Variants in SLC1A2 observed in about 807,000 individuals in gnomAD.
SLC1A2 encodes excitatory amino acid transporter 2.
In SLC1A2, 15 loss-of-function variants were observed where a neutral mutation model predicts 48.8. That is an observed-to-expected ratio of 0.31 (90% CI 0.21 to 0.47). The LOEUF is 0.47. SLC1A2 is among the 20% of genes least tolerant of loss of function. SLC1A2 has a pLI of 0.99. For missense variants in SLC1A2, 502 were observed against 730.5 expected, an observed-to-expected ratio of 0.69 and a Z score of 3.61; for synonymous variants, 279 against 272.6, an observed-to-expected ratio of 1.02 and a Z score of -0.23.
intron 1 of SLC1A2, among the ~76,000 whole-genome samples, chr11:35,372,048 C>T (rs1002979641): frequency 6.6e-6 from 1 of 152,192 alleles, no homozygotes; most frequent in Non-Finnish European, 1.5e-5. Flanking sequence ...AGTCATGGTG[C>T]CTTCACCACT....
intron 1 of SLC1A2, among the ~76,000 whole-genome samples, chr11:35,393,457 C>T (rs1854845738): frequency 6.6e-6 from 1 of 152,166 alleles, no homozygotes; most frequent in Admixed American, 6.5e-5. Flanking sequence ...GGAGGCTCTT[C>T]CCCGGTCATT....
At chr11:35,412,247 G>T (rs563283611) in intron 1 of SLC1A2, among the ~76,000 whole-genome samples, 1 of 152,228 alleles carries the variant, frequency 6.6e-6, no homozygotes, top group East Asian at 1.9e-4. Context: ...ATATTCCCTA[G>T]GGGATTTTCA....
chr11:35,347,836 G>A (rs919705241), intron 1 of SLC1A2, among the ~76,000 whole-genome samples: 3 of 152,192 alleles, frequency 2.0e-5, no homozygotes, highest in African/African-American at 7.2e-5. Flanking sequence ...GCCTCCAAAA[G>A]AGCTGAGTTT....
chr11:35,318,961 A>G (rs1274226986), intron 1 of SLC1A2, among the ~76,000 whole-genome samples: 2 of 152,188 alleles, frequency 1.3e-5, no homozygotes, highest in African/African-American at 2.4e-5. Flanking sequence ...TTGCTACCCA[A>G]ATGTTTTAAA....
At chr11:35,300,973 C>G (rs1231609446) in intron 6 of SLC1A2, among the ~76,000 whole-genome samples, 1 of 152,140 alleles carries the variant, frequency 6.6e-6, no homozygotes, top group East Asian at 1.9e-4. Context: ...TGCGATGAGC[C>G]ATGATCACAC....
At chr11:35,295,783 C>T (rs1280920412) in intron 6 of SLC1A2, among the ~76,000 whole-genome samples, 3 of 152,202 alleles carry the variant, frequency 2.0e-5, no homozygotes, top group African/African-American at 7.2e-5. Context: ...TCTTTCAGCC[C>T]TTGCCAGCCT....
chr11:35,327,461 C>T (rs1852284683), intron 1 of SLC1A2, among the ~76,000 whole-genome samples: 1 of 152,126 alleles, frequency 6.6e-6, no homozygotes, highest in Admixed American at 6.5e-5. Flanking sequence ...TTAAGGTAGT[C>T]CAGGTTATAA....
intron 4 of SLC1A2, among the ~76,000 whole-genome samples, chr11:35,306,527 T>A (rs554014227): frequency 1.2e-4 from 19 of 152,352 alleles, no homozygotes; most frequent in Non-Finnish European, 1.8e-4. Flanking sequence ...ATGTATACAA[T>A]GTGTGATGAT....
rs994893523 is a variant in SLC1A2 at position 35,251,952 on chromosome 11, T to A, written c.*8942A>T. On this transcript the variant is annotated 3_prime_UTR_variant, in exon 11 of 11. Coordinates refer to ENST00000278379, the MANE Select transcript of SLC1A2 (RefSeq NM_004171.4). ...TGTGTTTTAGGAGGCAACTGTAAAC[T>A]TGCATTAGTTAATCCCATCTTCAAT... The A allele has an allele frequency of 6.6e-6, 1 of 152,622 alleles. No individual in the cohort carries two copies. Among genetic ancestry groups the A allele is most frequent in the Non-Finnish European group, 1.5e-5 (1 of 68,036 alleles). The allele number at this position is 152,622 out of a possible 1,614,324, so 9.5% of individuals were successfully genotyped here. A position where few individuals can be genotyped will look rare whatever the true frequency, so the allele number is the denominator to read the frequency against.
At chr11:35,309,728 C>T (rs995992155) in intron 4 of SLC1A2, among the ~76,000 whole-genome samples, 2 of 152,140 alleles carry the variant, frequency 1.3e-5, no homozygotes, top group African/African-American at 4.8e-5. Flanking sequence ...TCTCACGCAC[C>T]CTTTCTCTCT....
At chr11:35,268,901 C>T (rs865903582) in intron 9 of SLC1A2, among the ~76,000 whole-genome samples, 2 of 152,146 alleles carry the variant, frequency 1.3e-5, no homozygotes, top group African/African-American at 2.4e-5. Context: ...TTGAGAAGCA[C>T]CCTGGAACCA....
chr11:35,254,079 A>G lies in SLC1A2; in HGVS notation c.*6815T>C, dbSNP rs1349108186. 6.6e-6 allele frequency: 1 copy of G among 152,568 alleles called. No individual in the cohort carries two copies. The highest frequency in any genetic ancestry group is 1.9e-4 in the East Asian group (1 of 5,204). The allele number at this position is 152,568 out of a possible 1,614,324, so 9.5% of individuals were successfully genotyped here. The stretch of plus-strand genomic sequence containing the variant: ...TGCAATACTGATCAGAGGGCAATAT[A>G]TTGTCCCTGGTAACACAGACTCTTA... On this transcript the variant is annotated 3_prime_UTR_variant, in exon 11 of 11. Transcript: ENST00000278379.
chr11:35,266,043 A>G lies in SLC1A2; in HGVS notation c.1422-285T>C, dbSNP rs116353434. Among the ~76,000 whole-genome samples, 999 of 152,368 alleles carry G rather than the reference A, an allele frequency of 6.6e-3. 10 individuals carry two copies. The highest frequency in any genetic ancestry group is 0.022 in the African/African-American group (918 of 41,586). ...CAAATGGTAAACACCAATAACCAGTAGCAAAGGAAAAGGAGGAGGAGGAAA... is the reference window on the plus strand; with the variant it reads ...CAAATGGTAAACACCAATAACCAGTGGCAAAGGAAAAGGAGGAGGAGGAAA... On this transcript the variant is annotated intron_variant, in intron 9 of 10. Transcript: ENST00000278379.
intron 1 of SLC1A2, among the ~76,000 whole-genome samples, chr11:35,346,449 G>A (rs1266618511): frequency 3.3e-5 from 5 of 152,146 alleles, no homozygotes; most frequent in African/African-American, 1.2e-4. Flanking sequence ...ACTCAACTCG[G>A]GATGTGCTGA....
chr11:35,347,391 A>G (rs1363164081), intron 1 of SLC1A2, among the ~76,000 whole-genome samples: 1 of 152,146 alleles, frequency 6.6e-6, no homozygotes, highest in Non-Finnish European at 1.5e-5. Context: ...TGGCATTTGG[A>G]CCACTTTAAA....
At chr11:35,276,517 T>C (rs1850445514) in intron 9 of SLC1A2, among the ~76,000 whole-genome samples, 1 of 152,162 alleles carries the variant, frequency 6.6e-6, no homozygotes, top group African/African-American at 2.4e-5. Context: ...GTTAGGACGC[T>C]CTGCTTTCCT....
chr11:35,284,881 A>G (rs957684373), intron 8 of SLC1A2, among the ~76,000 whole-genome samples: 1 of 152,230 alleles, frequency 6.6e-6, no homozygotes, highest in African/African-American at 2.4e-5. Context: ...AAGCCTGAGC[A>G]TGTAGAGACA....
chr11:35,381,479 G>T (rs759061974), intron 1 of SLC1A2, among the ~76,000 whole-genome samples: 25 of 152,090 alleles, frequency 1.6e-4, no homozygotes, highest in Non-Finnish European at 2.4e-4. Flanking sequence ...TCTGTCTGCT[G>T]TATCCAAAGC....
chr11:35,374,425 A>C (rs1854155650), intron 1 of SLC1A2: 1 of 471,422 alleles, frequency 2.1e-6, no homozygotes, highest in Non-Finnish European at 4.0e-6. Context: ...CAAAGAAAAG[A>C]GACCTACAAT....
Sources: allele counts gnomAD v4.1 joint callset (sites outside exome capture counted in the v4.1 genomes callset), GRCh38; gene constraint gnomAD v4.1.1; transcripts MANE v1.5; gene names NCBI Gene and HGNC (gene_info 2026-07-23, HGNC 2026-07-21).